Variants in EXD1 observed in about 807,000 individuals in gnomAD.
EXD1 encodes exonuclease 3'-5' domain containing 1.
EXD1 carries 63 observed loss-of-function variants against 49.1 expected under a neutral mutation model. The observed-to-expected ratio is 1.28, with a 90% CI of 1.05 to 1.58. The LOEUF is 1.58. EXD1 is among the 40% of genes most tolerant of loss of function. The pLI is 0.00. For missense variants in EXD1, 748 were observed against 666.0 expected, an observed-to-expected ratio of 1.12 and a Z score of -1.36; for synonymous variants, 234 against 239.2, an observed-to-expected ratio of 0.98 and a Z score of 0.20.
chr15:41,227,098 G>C (rs895448261), intron 1 of EXD1, among the ~76,000 whole-genome samples: 1 of 152,232 alleles, frequency 6.6e-6, no homozygotes, highest in South Asian at 2.1e-4. Flanking sequence ...GGTAATTTTT[G>C]CTAAAACTGA....
intron 2 of EXD1, among the ~76,000 whole-genome samples, chr15:41,223,409 G>C (rs979361439): frequency 6.6e-6 from 1 of 151,678 alleles, no homozygotes; most frequent in African/African-American, 2.4e-5. Flanking sequence ...GACAGAGCAA[G>C]ACTCTGTGTC....
chr15:41,206,208 G>A (rs868634470), intron 7 of EXD1, among the ~76,000 whole-genome samples: 6 of 151,986 alleles, frequency 3.9e-5, no homozygotes, highest in South Asian at 2.1e-4. Flanking sequence ...GGTGGCTCAC[G>A]CCTGTAATCC....
intron 2 of EXD1, among the ~76,000 whole-genome samples, chr15:41,222,364 G>A (rs865813315): frequency 3.3e-5 from 5 of 152,012 alleles, no homozygotes; most frequent in South Asian, 2.1e-4. Context: ...GCAGTGAGTC[G>A]AGATCCCTCC....
intron 6 of EXD1, among the ~76,000 whole-genome samples, chr15:41,210,925 C>G (rs184750009): frequency 1.3e-5 from 2 of 152,212 alleles, no homozygotes; most frequent in African/African-American, 4.8e-5. Context: ...TATCTCTCAT[C>G]AATGATGAGA....
intron 1 of EXD1, 27 bp downstream of exon 1, chr15:41,230,452 A>G (rs1461631904): frequency 1.2e-6 from 2 of 1,605,142 alleles, no homozygotes; most frequent in Admixed American, 3.3e-5. Context: ...TTAAGACAAA[A>G]TAAGGAACTT....
intron 2 of EXD1, among the ~76,000 whole-genome samples, chr15:41,225,102 A>G (rs1314392094): frequency 6.6e-6 from 1 of 152,218 alleles, no homozygotes; most frequent in Non-Finnish European, 1.5e-5. Flanking sequence ...GATCACTGAC[A>G]TGGCAGAGCA....
intron 2 of EXD1, among the ~76,000 whole-genome samples, chr15:41,220,666 A>T (rs541264589): frequency 1.3e-5 from 2 of 152,302 alleles, no homozygotes; most frequent in African/African-American, 4.8e-5. Flanking sequence ...ATGAGGAGAT[A>T]AGGAAGTTAG....
chr15:41,205,303 G>C (rs1015691340), intron 7 of EXD1, among the ~76,000 whole-genome samples: 27 of 152,162 alleles, frequency 1.8e-4, no homozygotes, highest in African/African-American at 6.5e-4. Flanking sequence ...ATGACTTCAA[G>C]ACAAAAATGC....
chr15:41,198,988 G>A (rs2046663128), intron 7 of EXD1, among the ~76,000 whole-genome samples: 1 of 148,410 alleles, frequency 6.7e-6, no homozygotes, highest in Admixed American at 6.8e-5. Context: ...TTTGGAGATT[G>A]AGTCTTAATC....
rs1566980628 is a variant in EXD1, at chr15:41,199,732, T to TATATA, written c.535-3700_535-3696dup. On this transcript the variant is annotated intron_variant, in intron 7 of 11. Transcript: ENST00000458580. ...CATATATATGATATATTATATATGA[T>TATATA]ATATATGTCATATATTATATATGAT... Among the ~76,000 whole-genome samples, 158 of 78,818 alleles carry TATATA rather than the reference T, an allele frequency of 2.0e-3. 8 individuals carry two copies. Among genetic ancestry groups the TATATA allele is most frequent in the African/African-American group, 8.6e-3 (153 of 17,840 alleles). The allele number at this position is 78,818 out of a possible 152,430, so 51.7% of individuals were successfully genotyped here.
chr15:41,195,295 C>T (rs546804453), intron 9 of EXD1, among the ~76,000 whole-genome samples: 2 of 152,236 alleles, frequency 1.3e-5, no homozygotes, highest in Non-Finnish European at 2.9e-5. Flanking sequence ...CCCTAGAGGA[C>T]AGACAAATTA....
At chr15:41,195,037 A>G (rs1323252979) in intron 9 of EXD1, among the ~76,000 whole-genome samples, 7 of 152,178 alleles carry the variant, frequency 4.6e-5, no homozygotes, top group African/African-American at 1.7e-4. Flanking sequence ...CTAAAAGACT[A>G]GAAGAACCTG....
At chr15:41,190,554 A>G (rs919988594) in intron 10 of EXD1, among the ~76,000 whole-genome samples, 1 of 152,226 alleles carries the variant, frequency 6.6e-6, no homozygotes, top group African/African-American at 2.4e-5. Flanking sequence ...ATTTTCTTCT[A>G]TTATTACCTT....
intron 6 of EXD1, among the ~76,000 whole-genome samples, chr15:41,214,457 G>A (rs2046970612): frequency 6.6e-6 from 1 of 150,566 alleles, no homozygotes. Context: ...AGGTTGAGGT[G>A]AGCCAAGATC....
intron 6 of EXD1, among the ~76,000 whole-genome samples, chr15:41,215,080 T>C (rs1276118478): frequency 6.6e-6 from 1 of 152,140 alleles, no homozygotes; most frequent in Non-Finnish European, 1.5e-5. Context: ...CATGGCTCCC[T>C]TACTTACTCA....
chr15:41,221,670 T>C (rs1242718801), intron 2 of EXD1, among the ~76,000 whole-genome samples: 1 of 151,924 alleles, frequency 6.6e-6, no homozygotes, highest in Non-Finnish European at 1.5e-5. Context: ...CCTCATACAT[T>C]GATGGTCCCC....
chr15:41,204,839 A>G (rs892213606), intron 7 of EXD1, among the ~76,000 whole-genome samples: 7 of 152,180 alleles, frequency 4.6e-5, no homozygotes, highest in African/African-American at 1.7e-4. Context: ...AAAGGGCCAT[A>G]AAAATGATCT....
At chr15:41,210,693 G>C (rs142742090) in intron 6 of EXD1, among the ~76,000 whole-genome samples, 1 of 151,506 alleles carries the variant, frequency 6.6e-6, no homozygotes, top group East Asian at 1.9e-4. Flanking sequence ...CTGAAATAGT[G>C]GTACCCCAGG....
intron 2 of EXD1, among the ~76,000 whole-genome samples, chr15:41,222,094 C>T (rs760012177): frequency 6.6e-6 from 1 of 151,258 alleles, no homozygotes; most frequent in Non-Finnish European, 1.5e-5. Context: ...AGTGAGACTC[C>T]GTCTCGGAAA....
Sources: gnomAD v4.1 joint callset for allele counts (sites outside exome capture counted in the v4.1 genomes callset) on GRCh38, gnomAD v4.1.1 for gene constraint, MANE v1.5 for transcripts, NCBI Gene and HGNC (gene_info 2026-07-23, HGNC 2026-07-21) for gene names.